The following NSUN3 variants were observed in gnomAD, a reference collection of about 807,000 sequenced individuals.
The protein encoded by NSUN3 is NOP2/Sun RNA methyltransferase 3.
A neutral mutation model predicts 36.8 loss-of-function variants in NSUN3; 24 were observed. The ratio of observed to expected loss-of-function variants is 0.65; its 90% confidence interval spans 0.47 to 0.92. The LOEUF is 0.92. Among genes scored for constraint, NSUN3 ranks in the 40% least tolerant of loss-of-function variants. The pLI, the probability that NSUN3 is intolerant of heterozygous loss-of-function variation, is 0.00. For synonymous variants in NSUN3, 146 were observed against 145.2 expected, an observed-to-expected ratio of 1.01 and a Z score of -0.04; for missense variants, 381 against 392.8, an observed-to-expected ratio of 0.97 and a Z score of 0.25.
intron 5 of NSUN3, among the ~76,000 whole-genome samples, chr3:94,107,339 G>A (rs563657486): frequency 4.1e-4 from 62 of 152,170 alleles, no homozygotes; most frequent in South Asian, 2.7e-3. Flanking sequence ...TCACTCTGTC[G>A]TCCAGGAGTG....
chr3:94,108,489 TA>T (rs1281413534), intron 5 of NSUN3, among the ~76,000 whole-genome samples: 2 of 151,954 alleles, frequency 1.3e-5, no homozygotes, highest in Non-Finnish European at 2.9e-5. Context: ...GCCTCCCGAG[TA>T]GCTGGGACTA....
chr3:94,082,799 T>A (rs530335519), intron 2 of NSUN3, among the ~76,000 whole-genome samples: 1 of 152,280 alleles, frequency 6.6e-6, no homozygotes, highest in South Asian at 2.1e-4. Context: ...GTAAAGCTGC[T>A]GGGGGAAAGC....
chr3:94,129,162 C>T lies in NSUN3; in HGVS notation c.*2672C>T, dbSNP rs1273251799. On this transcript the variant is annotated 3_prime_UTR_variant, in exon 6 of 6. Transcript: ENST00000314622. ...AATCCCATTAGTGGGTATATACCCA[C>T]AGGAAAATAAATTGTCCTACAAAAA... Among the ~76,000 whole-genome samples, 2 of 152,052 alleles carry T rather than the reference C, an allele frequency of 1.3e-5. No individual in the cohort carries two copies. Among genetic ancestry groups the T allele is most frequent in the East Asian group, 3.9e-4 (2 of 5,190 alleles).
At chr3:94,085,799 C>T (rs771815802) in intron 3 of NSUN3, among the ~76,000 whole-genome samples, 1 of 152,146 alleles carries the variant, frequency 6.6e-6, no homozygotes, top group African/African-American at 2.4e-5. Flanking sequence ...TTTCTTCACA[C>T]TCCTGATTTG....
At position 94,096,349 on chromosome 3, in the gene NSUN3, CTTTCATG is replaced by C. The variant is rs149509274; in HGVS notation, c.743+1197_743+1203del. ...TTGTTTGTATACTTCTGATGTCCACCTTTCATGTAACACTAAGATATTTTGAAAACTT... is the reference window on the plus strand; with the variant it reads ...TTGTTTGTATACTTCTGATGTCCACCTAACACTAAGATATTTTGAAAACTT... On this transcript the variant is annotated intron_variant, in intron 5 of 5. Coordinates refer to ENST00000314622, the MANE Select transcript of NSUN3 (RefSeq NM_022072.5). Among the ~76,000 whole-genome samples the C allele has an allele frequency of 1.1e-4, 16 of 152,214 alleles. No homozygotes were observed. In the East Asian group the frequency reaches 3.1e-3, roughly 30 times the overall value.
intron 5 of NSUN3, among the ~76,000 whole-genome samples, chr3:94,105,213 T>C (rs1198159376): frequency 1.3e-5 from 2 of 152,178 alleles, no homozygotes; most frequent in Non-Finnish European, 2.9e-5. Context: ...CTGTGTTCTT[T>C]TTGCCTCCCC....
intron 3 of NSUN3, among the ~76,000 whole-genome samples, chr3:94,092,623 G>T (rs1304538822): frequency 6.6e-6 from 1 of 151,824 alleles, no homozygotes; most frequent in Non-Finnish European, 1.5e-5. Context: ...GGAGCCCTGG[G>T]CCTGGCACGG....
At chr3:94,122,694 A>G (rs2077468886) in intron 5 of NSUN3, among the ~76,000 whole-genome samples, 3 of 152,128 alleles carry the variant, frequency 2.0e-5, no homozygotes, top group South Asian at 4.2e-4. Context: ...TAAAAAAATA[A>G]TTAGAGGCAA....
At position 94,126,241 on chromosome 3, in the gene NSUN3, G is replaced by T; in HGVS notation, c.774G>T (p.Gly258=). 1.2e-6 allele frequency: 2 copies of T among 1,614,032 alleles called. No individual in the cohort carries two copies. The part of the protein sequence containing the change: ...RSAIKALRPG[G]ILVYSTCTLS... The stretch of plus-strand genomic sequence containing the variant: ...CAATTAAGGCCTTACGTCCTGGAGG[G>T]ATACTTGTATACTCTACATGCACGC... The change falls in exon 6 of 6, where the codon GGG becomes GGT. Residue 258 remains glycine, a synonymous_variant. Coordinates refer to ENST00000314622, the MANE Select transcript of NSUN3 (RefSeq NM_022072.5).
chr3:94,128,970 A>T lies in NSUN3; in HGVS notation c.*2480A>T, dbSNP rs989234288. ...ATATTTTACACCAGTCAGAATGGCT[A>T]TTATTAAAAAGTCAATAAAATAAAA... On this transcript the variant is annotated 3_prime_UTR_variant, in exon 6 of 6. Coordinates refer to ENST00000314622, the MANE Select transcript of NSUN3 (RefSeq NM_022072.5). 2.0e-5 allele frequency among the ~76,000 whole-genome samples: 3 copies of T among 152,222 alleles called. No homozygotes were observed. Among genetic ancestry groups the T allele is most frequent in the Non-Finnish European group, 4.4e-5 (3 of 68,038 alleles).
intron 5 of NSUN3, among the ~76,000 whole-genome samples, chr3:94,122,171 A>AAC (rs1491421519): frequency 6.6e-6 from 1 of 150,966 alleles, no homozygotes; most frequent in African/African-American, 2.4e-5. Flanking sequence ...AAAAAAAAAA[A>AAC]CAATTTAAGT....
chr3:94,109,749 C>T (rs2077408298), intron 5 of NSUN3, among the ~76,000 whole-genome samples: 1 of 152,174 alleles, frequency 6.6e-6, no homozygotes, highest in African/African-American at 2.4e-5. Context: ...ACAGTTGCTG[C>T]CCTTACCTAC....
chr3:94,131,783 G>A lies in NSUN3; in HGVS notation c.*5293G>A, dbSNP rs2077509161. 6.6e-6 allele frequency among the ~76,000 whole-genome samples: 1 copy of A among 152,184 alleles called. No homozygotes were observed. Among genetic ancestry groups the A allele is most frequent in the Non-Finnish European group, 1.5e-5 (1 of 68,028 alleles). On this transcript the variant is annotated 3_prime_UTR_variant, in exon 6 of 6. Coordinates refer to ENST00000314622, the MANE Select transcript of NSUN3 (RefSeq NM_022072.5). ...AACTTCTCCCTGCCGTCCACACGCT[G>A]AACAGCCACTACTTTCAGAAATAGA...
At chr3:94,091,458 G>A (rs1298424942) in intron 3 of NSUN3, among the ~76,000 whole-genome samples, 2 of 152,114 alleles carry the variant, frequency 1.3e-5, no homozygotes, top group Non-Finnish European at 2.9e-5. Context: ...AATAGCAAAG[G>A]TGGGATATTA....
chr3:94,101,719 C>A (rs1193830339), intron 5 of NSUN3, among the ~76,000 whole-genome samples: 1 of 152,076 alleles, frequency 6.6e-6, no homozygotes, highest in Non-Finnish European at 1.5e-5. Flanking sequence ...TATCATTTCT[C>A]AAAATAATTT....
At chr3:94,077,202 G>A (rs991943927) in intron 2 of NSUN3, 8 of 677,004 alleles carry the variant, frequency 1.2e-5, no homozygotes, top group African/African-American at 1.8e-5. Flanking sequence ...GGGGAATACT[G>A]GAGTCGGGTG....
chr3:94,102,627 A>T (rs1369639106), intron 5 of NSUN3, among the ~76,000 whole-genome samples: 2 of 152,090 alleles, frequency 1.3e-5, no homozygotes, highest in Non-Finnish European at 2.9e-5. Context: ...GTCAGAGGTT[A>T]TGAAATTTAA....
At chr3:94,076,561 G>A (rs774364580) in intron 2 of NSUN3, 21 of 824,816 alleles carry the variant, frequency 2.5e-5, no homozygotes, top group Non-Finnish European at 4.3e-5. Context: ...CAGCACTGAT[G>A]TCCCACGGGT....
At chr3:94,083,276 G>T (rs1165042251) in intron 2 of NSUN3, among the ~76,000 whole-genome samples, 1 of 152,090 alleles carries the variant, frequency 6.6e-6, no homozygotes, top group African/African-American at 2.4e-5. Context: ...TTTGAACAAA[G>T]AATCTGATAA....
Sources: allele counts gnomAD v4.1 joint callset (sites outside exome capture counted in the v4.1 genomes callset), GRCh38; gene constraint gnomAD v4.1.1; transcripts MANE v1.5; gene names NCBI Gene and HGNC (gene_info 2026-07-23, HGNC 2026-07-21).